Variants in MAP4K5 observed in about 807,000 individuals in gnomAD.
MAP4K5 encodes the protein MAPK/ERK kinase kinase kinase 5.
In MAP4K5, 82 loss-of-function variants were observed where a neutral mutation model predicts 135.6. The ratio of observed to expected loss-of-function variants is 0.60; its 90% CI spans 0.51 to 0.73. MAP4K5 has a LOEUF of 0.73. MAP4K5 is among the 30% of genes least tolerant of loss of function. MAP4K5 has a pLI of 0.00. For synonymous variants in MAP4K5, 347 were observed against 335.0 expected (o/e 1.04, Z -0.39); for missense variants, 907 against 1,010.9 (o/e 0.90, Z 1.39).
chr14:50,507,222 C>G (rs1351443099), intron 2 of MAP4K5, among the ~76,000 whole-genome samples: 1 of 152,176 alleles, frequency 6.6e-6, no homozygotes, highest in Admixed American at 6.5e-5. Flanking sequence ...TTTAGTAAAG[C>G]AGACCTGCCC....
rs546676211 is a variant in MAP4K5, at chr14:50,431,054, T to G, written c.2165-1794A>C. Among the ~76,000 whole-genome samples, 12 of 152,256 alleles carry G rather than the reference T, an allele frequency of 7.9e-5. No individual in the cohort carries two copies. The South Asian group carries it at 2.5e-3, about 32-fold the overall frequency. On this transcript the variant is annotated intron_variant, in intron 28 of 32. Transcript: ENST00000682126. Reference sequence around the variant, plus strand: ...CCAAGGCCACGGGCAAACATGCAATTGAAGGCGGTAACTTTCACCTAATTA... The same window carrying G: ...CCAAGGCCACGGGCAAACATGCAATGGAAGGCGGTAACTTTCACCTAATTA...
intron 2 of MAP4K5, among the ~76,000 whole-genome samples, chr14:50,512,484 G>C (rs2037950096): frequency 6.6e-6 from 1 of 152,112 alleles, no homozygotes; most frequent in Non-Finnish European, 1.5e-5. Context: ...ATTATATGTG[G>C]TTACAGAAGT....
At chr14:50,463,606 A>G (rs1237937972) in intron 12 of MAP4K5, among the ~76,000 whole-genome samples, 2 of 152,126 alleles carry the variant, frequency 1.3e-5, no homozygotes, top group East Asian at 3.9e-4. Flanking sequence ...TTTGCTGGTC[A>G]GGCATGGTGG....
intron 1 of MAP4K5, among the ~76,000 whole-genome samples, chr14:50,552,956 G>T (rs971396381): frequency 2.6e-5 from 4 of 152,102 alleles, no homozygotes; most frequent in Non-Finnish European, 4.4e-5. Context: ...CTTAGGCAAA[G>T]AATTCATGAC....
intron 9 of MAP4K5, among the ~76,000 whole-genome samples, chr14:50,469,887 C>G (rs1190613363): frequency 6.6e-6 from 1 of 152,124 alleles, no homozygotes; most frequent in Non-Finnish European, 1.5e-5. Context: ...GTACAAGTTG[C>G]TTTTATATGT....
chr14:50,528,530 C>CTGTCTTTACATT (rs1396744051), intron 2 of MAP4K5, among the ~76,000 whole-genome samples: 1 of 150,654 alleles, frequency 6.6e-6, no homozygotes, highest in Non-Finnish European at 1.5e-5. Flanking sequence ...CTAGCTTGGG[C>CTGTCTTTACATT]AACACAGGAA....
At chr14:50,471,420 T>C (rs2036959790) in intron 9 of MAP4K5, among the ~76,000 whole-genome samples, 1 of 152,170 alleles carries the variant, frequency 6.6e-6, no homozygotes, top group South Asian at 2.1e-4. Context: ...CACTACATGA[T>C]GTAAGAAACA....
intron 3 of MAP4K5, among the ~76,000 whole-genome samples, chr14:50,497,265 T>C (rs1394898543): frequency 6.6e-6 from 1 of 152,206 alleles, no homozygotes; most frequent in Non-Finnish European, 1.5e-5. Context: ...ACAGAAGACA[T>C]TAGTAAACAA....
At chr14:50,438,985 A>C (rs1360676350) in intron 23 of MAP4K5, among the ~76,000 whole-genome samples, 2 of 152,130 alleles carry the variant, frequency 1.3e-5, no homozygotes, top group Non-Finnish European at 2.9e-5. Context: ...ATAATTGTCA[A>C]CTCAAACAGA....
At chr14:50,486,019 T>C (rs2037354918) in intron 4 of MAP4K5, 85 bp downstream of exon 4, 3 of 641,474 alleles carry the variant, frequency 4.7e-6, no homozygotes, top group South Asian at 3.8e-5. Context: ...CATACAAATA[T>C]AGTAGCACTT....
chr14:50,529,374 G>A lies in MAP4K5; in HGVS notation c.108+2568C>T, dbSNP rs111653469. On this transcript the variant is annotated intron_variant, in intron 2 of 32. Coordinates refer to ENST00000682126, the MANE Select transcript of MAP4K5 (RefSeq NM_006575.6). ...TGCCCTCTAGCCTGGGGGACAGAGC[G>A]ACATCCTGTATCCAAACAAACAGAC... Among the ~76,000 whole-genome samples, 11 of 152,172 alleles carry A rather than the reference G, an allele frequency of 7.2e-5. 1 individual carries two copies. Among genetic ancestry groups the A allele is most frequent in the East Asian group, 3.9e-4 (2 of 5,168 alleles).
chr14:50,539,048 G>A (rs962266467), intron 2 of MAP4K5, among the ~76,000 whole-genome samples: 5 of 152,174 alleles, frequency 3.3e-5, no homozygotes, highest in Admixed American at 1.3e-4. Flanking sequence ...CCAGAAACCC[G>A]ATTGATAAAG....
intron 1 of MAP4K5, among the ~76,000 whole-genome samples, chr14:50,555,237 G>A (rs1260532932): frequency 2.0e-5 from 3 of 151,716 alleles, no homozygotes; most frequent in Admixed American, 2.0e-4. Flanking sequence ...GATGGAAGAA[G>A]GCATGAAGAA....
rs1313043078 is a variant in MAP4K5 at position 50,434,468 on chromosome 14, T to G, written c.2090A>C (p.Glu697Ala). 4 of 1,609,266 alleles carry G rather than the reference T, an allele frequency of 2.5e-6. No individual in the cohort carries two copies. The African/African-American group carries it at 4.0e-5, about 16-fold the overall frequency. ...CTCAAACTGAACTACCTGATTCGAT[T>G]CAGTGCCTTTGCTAATAGCTACACA... is the stretch of plus-strand genomic sequence containing the variant. Reference protein sequence around the residue: ...MVCVAISKGTESNQVVQFETI... With the variant: ...MVCVAISKGTASNQVVQFETI... The change falls in exon 28 of 33, where the codon GAA (glutamate) becomes GCA (alanine). Residue 697 changes from glutamate (E) to alanine (A), a missense_variant. Glu to Ala is a moderately radical substitution (Grantham distance 107). Around this residue, in one of 3 missense-constraint regions of MAP4K5, gnomAD observed 690 missense variants for 777.4 expected, o/e 0.89. Coordinates refer to ENST00000682126, the MANE Select transcript of MAP4K5 (RefSeq NM_006575.6).
At chr14:50,422,711 T>C (rs905030064) in intron 32 of MAP4K5, among the ~76,000 whole-genome samples, 1 of 152,226 alleles carries the variant, frequency 6.6e-6, no homozygotes, top group Non-Finnish European at 1.5e-5. Context: ...TAATTCTTTT[T>C]AACTTAGATT....
chr14:50,551,989 A>T (rs1480793536), intron 1 of MAP4K5, among the ~76,000 whole-genome samples: 1 of 152,222 alleles, frequency 6.6e-6, no homozygotes, highest in Non-Finnish European at 1.5e-5. Context: ...TCTACTCAAC[A>T]TAGTACTGGA....
chr14:50,469,808 A>G (rs1470317499), intron 9 of MAP4K5, among the ~76,000 whole-genome samples: 1 of 152,190 alleles, frequency 6.6e-6, no homozygotes, highest in Non-Finnish European at 1.5e-5. Flanking sequence ...TGTTCAGGGG[A>G]AATATTCTTT....
chr14:50,539,479 G>A (rs2038534599), intron 2 of MAP4K5, among the ~76,000 whole-genome samples: 1 of 152,182 alleles, frequency 6.6e-6, no homozygotes, highest in Admixed American at 6.5e-5. Context: ...ATATGGCTGA[G>A]GACCAAGTCC....
intron 3 of MAP4K5, among the ~76,000 whole-genome samples, chr14:50,498,536 A>T (rs1885103417): frequency 6.6e-6 from 1 of 152,218 alleles, no homozygotes; most frequent in African/African-American, 2.4e-5. Context: ...TTCAACTCTA[A>T]GGCTTACTGT....
Sources: gnomAD v4.1 joint callset for allele counts (sites outside exome capture counted in the v4.1 genomes callset) on GRCh38, gnomAD v4.1.1 for gene constraint, gnomAD v4.1.1 regional missense constraint, MANE v1.5 for transcripts, NCBI Gene and HGNC (gene_info 2026-07-23, HGNC 2026-07-21) for gene names.